The following SERPINB8 variants were observed in gnomAD, a reference collection of about 807,000 sequenced individuals.
SERPINB8 encodes serpin family B member 8.
Under a neutral mutation model 35.3 loss-of-function variants are expected in SERPINB8, and 25 were observed. The observed-to-expected ratio is 0.71, with a 90% CI of 0.52 to 0.99. The LOEUF is 0.99. Among genes scored for constraint, SERPINB8 ranks in the 50% least tolerant of loss-of-function variants. SERPINB8 has a pLI of 0.00. For synonymous variants in SERPINB8, 186 were observed against 160.8 expected, an observed-to-expected ratio of 1.16 and a Z score of -1.19; for missense variants, 484 against 446.5, an observed-to-expected ratio of 1.08 and a Z score of -0.76.
At chr18:64,007,100 C>T (rs1017763242), downstream of SERPINB8, among the ~76,000 whole-genome samples, 1 of 151,426 alleles carries the variant, frequency 6.6e-6, no homozygotes, top group Admixed American at 6.6e-5. Context: ...GAAAAAAATA[C>T]AAGATGGCAC....
At chr18:64,002,335 G>A (rs1465076752) in intron 1 of SERPINB8, among the ~76,000 whole-genome samples, 5 of 152,058 alleles carry the variant, frequency 3.3e-5, no homozygotes, top group Admixed American at 6.5e-5. Flanking sequence ...TTCTTTTCAG[G>A]TGAGTCCCTG....
chr18:64,012,191 T>C (rs1195848552), intron 7 of SERPINB8, among the ~76,000 whole-genome samples: 2 of 152,186 alleles, frequency 1.3e-5, no homozygotes, highest in East Asian at 3.8e-4. Context: ...AAGAACTCTT[T>C]ACATATTTTA....
intron 7 of SERPINB8, among the ~76,000 whole-genome samples, chr18:64,017,446 A>G (rs954305717): frequency 1.3e-5 from 2 of 152,184 alleles, no homozygotes; most frequent in African/African-American, 4.8e-5. Context: ...ATAGAGATCC[A>G]TAGGTCAATC....
chr18:63,972,693 A>G (rs568220282), intron 1 of SERPINB8, among the ~76,000 whole-genome samples: 9 of 127,112 alleles, frequency 7.1e-5, no homozygotes, highest in African/African-American at 2.2e-4. Flanking sequence ...CCTATGTCCA[A>G]GTGTTTTCAT....
chr18:63,982,113 A>C (rs1162877519), intron 4 of SERPINB8, among the ~76,000 whole-genome samples: 1 of 152,132 alleles, frequency 6.6e-6, no homozygotes, highest in African/African-American at 2.4e-5. Flanking sequence ...GAATTCTGTT[A>C]ATCTTCTATC....
intron 6 of SERPINB8, chr18:63,986,185 G>T: frequency 7.0e-7 from 1 of 1,424,794 alleles, no homozygotes; most frequent in Admixed American, 1.8e-5. Context: ...CTGGGCTCCA[G>T]TTGTTAAAGG....
chr18:63,999,542 C>T (rs1353308860), intron 1 of SERPINB8, among the ~76,000 whole-genome samples: 1 of 152,126 alleles, frequency 6.6e-6, no homozygotes, highest in Non-Finnish European at 1.5e-5. Context: ...CCTCCTTGTA[C>T]AGACTCTTCA....
downstream of SERPINB8, among the ~76,000 whole-genome samples, chr18:64,010,174 T>A (rs1002759340): frequency 2.0e-5 from 3 of 151,982 alleles, no homozygotes; most frequent in African/African-American, 4.8e-5. Flanking sequence ...CCAATAAACA[T>A]ATGAAAAGAT....
At chr18:63,975,449 A>T (rs149035748) in intron 1 of SERPINB8, among the ~76,000 whole-genome samples, 60 of 152,284 alleles carry the variant, frequency 3.9e-4, no homozygotes, top group African/African-American at 1.4e-3. Flanking sequence ...AGGTCTTATG[A>T]TGTGAGGATA....
At chr18:63,979,747 C>G in intron 2 of SERPINB8, 54 bp from the exon 3 acceptor site, 1 of 1,607,418 alleles carries the variant, frequency 6.2e-7, no homozygotes, top group South Asian at 1.1e-5. Flanking sequence ...GGAGAAAGCT[C>G]TTTGGGAGAG....
At chr18:63,992,785 A>G (rs534512189), downstream of SERPINB8, among the ~76,000 whole-genome samples, 16 of 152,272 alleles carry the variant, frequency 1.1e-4, no homozygotes, top group East Asian at 5.8e-4. Flanking sequence ...CTAGTAGGCA[A>G]GGGCCCTAAA....
intron 1 of SERPINB8, among the ~76,000 whole-genome samples, chr18:63,994,702 G>T (rs77070217): frequency 0.017 from 2,602 of 152,206 alleles, 42 homozygotes; most frequent in Non-Finnish European, 0.027. Flanking sequence ...GATGCCCTTC[G>T]CAGAGGCTAT....
At chr18:63,997,102 C>G (rs2050853566) in intron 1 of SERPINB8, among the ~76,000 whole-genome samples, 1 of 152,126 alleles carries the variant, frequency 6.6e-6, no homozygotes, top group Admixed American at 6.5e-5. Context: ...TAACATCAGA[C>G]ACTTGTTGGG....
intron 4 of SERPINB8, among the ~76,000 whole-genome samples, chr18:63,983,272 T>A (rs955778823): frequency 6.6e-6 from 1 of 152,202 alleles, no homozygotes; most frequent in Non-Finnish European, 1.5e-5. Context: ...TGTTCTCAAC[T>A]CAGCCACTTG....
rs906112259 is a variant in SERPINB8, at chr18:63,986,372, C to T, written c.721-502C>T. The T allele has an allele frequency of 3.8e-6, 6 of 1,570,028 alleles. No homozygotes were observed. The African/African-American group carries it at 6.8e-5, about 18-fold the overall frequency. ...CATTTCTCGTCTCATGCTCCCTTCTCATGCCTCCCTTCATCTTCAGATGAA... is the reference window on the plus strand; with the variant it reads ...CATTTCTCGTCTCATGCTCCCTTCTTATGCCTCCCTTCATCTTCAGATGAA... On this transcript the variant is annotated intron_variant, in intron 6 of 6. Coordinates refer to ENST00000397985, the MANE Select transcript of SERPINB8 (RefSeq NM_002640.4).
chr18:63,978,584 A>G, intron 2 of SERPINB8, 108 bp downstream of exon 2: 1 of 1,302,570 alleles, frequency 7.7e-7, no homozygotes, highest in Non-Finnish European at 1.1e-6. Flanking sequence ...AGCTGGAGGT[A>G]GAAGGAGGAG....
At position 63,987,906 on chromosome 18, in the gene SERPINB8, C is replaced by G. The variant is rs2050787306; in HGVS notation, c.*628C>G. On this transcript the variant is annotated 3_prime_UTR_variant, in exon 7 of 7. Transcript: ENST00000397985. ...CTAGGAGGCAAATATCTGAAGCTTG[C>G]TATGCTGTTCTTTCCATTCCTTTTC... 1 of 152,314 alleles carries G rather than the reference C, an allele frequency of 6.6e-6. No individual in the cohort carries two copies. Among genetic ancestry groups the G allele is most frequent in the Non-Finnish European group, 1.5e-5 (1 of 68,132 alleles). 9.4% of individuals were successfully genotyped at this position (152,314 alleles called of 1,614,324 possible).
At position 63,987,986 on chromosome 18, in the gene SERPINB8, C is replaced by CT. The variant is rs1208198876; in HGVS notation, c.*709dup. ...CTTACGCAACACACCACTGAGTCCTCTAACTAATCATATGTGCTCAGACAC... is the reference window on the plus strand; with the variant it reads ...CTTACGCAACACACCACTGAGTCCTCTTAACTAATCATATGTGCTCAGACAC... On this transcript the variant is annotated 3_prime_UTR_variant, in exon 7 of 7. Coordinates refer to ENST00000397985, the MANE Select transcript of SERPINB8 (RefSeq NM_002640.4). 1.3e-5 allele frequency: 2 copies of CT among 152,210 alleles called. No individual in the cohort carries two copies. The highest frequency in any genetic ancestry group is 2.9e-5 in the Non-Finnish European group (2 of 68,044). 9.4% of individuals were successfully genotyped at this position (152,210 alleles called of 1,614,324 possible).
intron 1 of SERPINB8, among the ~76,000 whole-genome samples, chr18:63,971,821 C>T (rs998294083): frequency 1.3e-5 from 2 of 152,102 alleles, no homozygotes. Flanking sequence ...CATAAGGGTC[C>T]GTCCTATCTC....
Sources: allele counts gnomAD v4.1 joint callset (sites outside exome capture counted in the v4.1 genomes callset), GRCh38; gene constraint gnomAD v4.1.1; transcripts MANE v1.5; gene names NCBI Gene and HGNC (gene_info 2026-07-23, HGNC 2026-07-21).